Variants in KCNAB1 observed in about 807,000 individuals in gnomAD.
KCNAB1 encodes the protein voltage-gated potassium channel subunit beta-1.
In KCNAB1, 35 loss-of-function variants were observed where a neutral mutation model predicts 64.6. That is an observed-to-expected ratio of 0.54 (90% confidence interval 0.41 to 0.72). KCNAB1 has a LOEUF of 0.72. Ranked by LOEUF, KCNAB1 falls within the 30% of genes least tolerant of loss-of-function variation. The pLI is 0.00. For synonymous variants in KCNAB1, 177 were observed against 183.8 expected, an observed-to-expected ratio of 0.96 and a Z score of 0.30; for missense variants, 401 against 512.9, an observed-to-expected ratio of 0.78 and a Z score of 2.11.
At chr3:156,527,540 ACT>A (rs1263236581) in intron 12 of KCNAB1, among the ~76,000 whole-genome samples, 2 of 152,054 alleles carry the variant, frequency 1.3e-5, no homozygotes, top group African/African-American at 4.8e-5. Context: ...AGGAAAGAAC[ACT>A]CTCTTTCTAC....
At position 156,523,931 on chromosome 3, in the gene KCNAB1, A is replaced by G. The variant is rs201949357; in HGVS notation, c.1065A>G (p.Leu355=). The change falls in exon 12 of 14, where the codon CTA becomes CTG. Residue 355 remains leucine, a synonymous_variant. Coordinates refer to ENST00000490337, the MANE Select transcript of KCNAB1 (RefSeq NM_172160.3). ...SPIAERLGCT[L]PQLAVAWCLR... ...TTGCGGAGCGTCTGGGATGCACACT[A>G]CCTCAGCTAGCTGTTGGTAAGAAAA... 1.2e-6 allele frequency: 2 copies of G among 1,613,882 alleles called. No individual in the cohort carries two copies. Among genetic ancestry groups the G allele is most frequent in the Admixed American group, 1.7e-5 (1 of 59,966 alleles).
At chr3:156,128,225 C>A (rs1245563780) in intron 1 of KCNAB1, among the ~76,000 whole-genome samples, 1 of 152,120 alleles carries the variant, frequency 6.6e-6, no homozygotes, top group Non-Finnish European at 1.5e-5. Flanking sequence ...AATAATGAGA[C>A]TAGACGAGAT....
intron 1 of KCNAB1, among the ~76,000 whole-genome samples, chr3:156,182,934 A>G (rs1712961233): frequency 6.6e-6 from 1 of 151,728 alleles, no homozygotes; most frequent in Non-Finnish European, 1.5e-5. Context: ...TCCTGACCTC[A>G]TGATTCGCCT....
chr3:156,247,785 G>A (rs1576642906), intron 1 of KCNAB1, among the ~76,000 whole-genome samples: 1 of 152,062 alleles, frequency 6.6e-6, no homozygotes, highest in Non-Finnish European at 1.5e-5. Context: ...GGCTGGCCTT[G>A]AACTCCTGGG....
chr3:156,523,785 C>A (rs1378556756), intron 11 of KCNAB1, 42 bp from the exon 12 acceptor site: 1 of 1,571,910 alleles, frequency 6.4e-7, no homozygotes, highest in Non-Finnish European at 8.7e-7. Flanking sequence ...GACATCAGAT[C>A]TTTACCAGAC....
At chr3:156,161,075 G>A (rs1041712598) in intron 1 of KCNAB1, among the ~76,000 whole-genome samples, 1 of 152,192 alleles carries the variant, frequency 6.6e-6, no homozygotes, top group South Asian at 2.1e-4. Flanking sequence ...TGACTTTAAA[G>A]CAACTCCTTA....
At chr3:156,201,919 C>T (rs936117325) in intron 1 of KCNAB1, among the ~76,000 whole-genome samples, 8 of 152,246 alleles carry the variant, frequency 5.3e-5, no homozygotes, top group African/African-American at 1.9e-4. Flanking sequence ...GATCTAGGCC[C>T]CCAGGAGGTA....
At chr3:156,167,528 A>G (rs950363949) in intron 1 of KCNAB1, among the ~76,000 whole-genome samples, 1 of 152,114 alleles carries the variant, frequency 6.6e-6, no homozygotes, top group African/African-American at 2.4e-5. Context: ...CCTAAAACAA[A>G]CCCCAAGGGT....
At chr3:156,469,248 CTTTTTTTTTTTTTTT>C (rs34567814) in intron 7 of KCNAB1, among the ~76,000 whole-genome samples, 1 of 72,956 alleles carries the variant, frequency 1.4e-5, no homozygotes, top group Admixed American at 1.8e-4. Flanking sequence ...TTCTTTCTTT[CTTTTTTTTTTTTTTT>C]TTTTTTTTTT....
intron 1 of KCNAB1, among the ~76,000 whole-genome samples, chr3:156,136,129 A>G (rs565552733): frequency 6.6e-6 from 1 of 152,330 alleles, no homozygotes; most frequent in African/African-American, 2.4e-5. Context: ...CACAATCCAC[A>G]TGGGTTAAAA....
upstream of KCNAB1, among the ~76,000 whole-genome samples, chr3:156,120,074 T>C (rs1376987315): frequency 6.6e-6 from 1 of 152,146 alleles, no homozygotes; most frequent in Non-Finnish European, 1.5e-5. Flanking sequence ...AAATATAAAA[T>C]AAATTTAAAA....
chr3:156,281,655 G>A (rs1321238184), intron 1 of KCNAB1, among the ~76,000 whole-genome samples: 2 of 152,074 alleles, frequency 1.3e-5, no homozygotes, highest in African/African-American at 4.8e-5. Context: ...CTGTTATTGG[G>A]CTATTCAGAG....
At chr3:156,459,911 T>C (rs779724721) in intron 5 of KCNAB1, 40 bp downstream of exon 5, 3 of 1,464,024 alleles carry the variant, frequency 2.0e-6, no homozygotes, top group East Asian at 2.3e-5. Flanking sequence ...TAAAAAGGTA[T>C]TATTTTGCAC....
intron 1 of KCNAB1, among the ~76,000 whole-genome samples, chr3:156,216,431 T>C (rs1715324403): frequency 6.6e-6 from 1 of 152,210 alleles, no homozygotes; most frequent in African/African-American, 2.4e-5. Flanking sequence ...TTACATTCCG[T>C]CATTCTTCAA....
intron 2 of KCNAB1, among the ~76,000 whole-genome samples, chr3:156,422,009 T>A (rs1477458961): frequency 6.6e-6 from 1 of 152,198 alleles, no homozygotes; most frequent in Non-Finnish European, 1.5e-5. Context: ...TCACCTGAAT[T>A]TTTTCTATCT....
At chr3:156,486,177 C>T (rs560994252) in intron 8 of KCNAB1, among the ~76,000 whole-genome samples, 64 of 152,230 alleles carry the variant, frequency 4.2e-4, no homozygotes, top group African/African-American at 1.5e-3. Context: ...AGGATCCCTG[C>T]CTGTGTCCGC....
chr3:156,122,588 A>T (rs1713412867), intron 1 of KCNAB1, among the ~76,000 whole-genome samples: 2 of 152,220 alleles, frequency 1.3e-5, no homozygotes, highest in South Asian at 4.1e-4. Context: ...ATTAGACATG[A>T]TCCAGAATTA....
At chr3:156,279,227 T>C (rs1286042593) in intron 1 of KCNAB1, among the ~76,000 whole-genome samples, 1 of 151,162 alleles carries the variant, frequency 6.6e-6, no homozygotes, top group Non-Finnish European at 1.5e-5. Context: ...TTTGGTTTTT[T>C]GTTCTTGCGA....
intron 12 of KCNAB1, among the ~76,000 whole-genome samples, chr3:156,528,529 G>A (rs753798123): frequency 1.3e-3 from 198 of 152,216 alleles, no homozygotes; most frequent in Non-Finnish European, 2.4e-3. Context: ...ATTAAGAAGG[G>A]AACAGGGGAT....
Sources: gnomAD v4.1 joint callset for allele counts (sites outside exome capture counted in the v4.1 genomes callset) on GRCh38, gnomAD v4.1.1 for gene constraint, MANE v1.5 for transcripts, NCBI Gene and HGNC (gene_info 2026-07-23, HGNC 2026-07-21) for gene names.